The following PCDHA13 variants were observed in gnomAD, a reference collection of about 807,000 sequenced individuals.
PCDHA13 encodes protocadherin alpha 13, also known as protocadherin alpha-13.
PCDHA13 carries 54 observed loss-of-function variants against 64.8 expected under a neutral mutation model. That is an observed-to-expected ratio of 0.83 (90% CI 0.67 to 1.04). The LOEUF is 1.04. Among genes scored for constraint, PCDHA13 ranks in the 50% least tolerant of loss-of-function variants. The pLI is 0.00. For missense variants in PCDHA13, 1,248 were observed against 1,254.3 expected (o/e 0.99, Z 0.08); for synonymous variants, 587 against 564.4 (o/e 1.04, Z -0.57).
chr5:140,967,185 A>G, intron 1 of PCDHA13: 1 of 1,613,242 alleles, frequency 6.2e-7, no homozygotes, highest in Non-Finnish European at 8.5e-7. Context: ...GAAATATTGG[A>G]CATCAACGAC....
At chr5:140,928,739 G>A in intron 1 of PCDHA13, 1 of 1,614,148 alleles carries the variant, frequency 6.2e-7, no homozygotes, top group African/African-American at 1.3e-5. Flanking sequence ...GCCAATATAG[G>A]TGAGCTCCGT....
intron 1 of PCDHA13, among the ~76,000 whole-genome samples, chr5:140,893,506 A>G (rs2064024014): frequency 1.3e-5 from 2 of 152,170 alleles, no homozygotes; most frequent in African/African-American, 4.8e-5. Flanking sequence ...AGAAAAAAAA[A>G]GCAGTTGTAG....
intron 1 of PCDHA13, chr5:140,928,911 A>G: frequency 6.2e-7 from 1 of 1,614,184 alleles, no homozygotes; most frequent in Non-Finnish European, 8.5e-7. Flanking sequence ...TCTGGGAACC[A>G]GGAGGGCAGC....
chr5:140,884,737 T>C (rs1554181872), intron 1 of PCDHA13, 75 bp downstream of exon 1: 1 of 1,443,634 alleles, frequency 6.9e-7, no homozygotes, highest in Non-Finnish European at 9.1e-7. Context: ...AAGACATCTT[T>C]CCTGCCAATT....
chr5:140,999,144 G>A (rs2097848915), intron 3 of PCDHA13, among the ~76,000 whole-genome samples: 1 of 152,200 alleles, frequency 6.6e-6, no homozygotes, highest in Non-Finnish European at 1.5e-5. Context: ...ACAGCCGGAA[G>A]TCTTCAGTCC....
intron 1 of PCDHA13, among the ~76,000 whole-genome samples, chr5:140,895,004 T>C (rs535461448): frequency 6.6e-6 from 1 of 152,316 alleles, no homozygotes; most frequent in East Asian, 1.9e-4. Flanking sequence ...CCCTTTTTAC[T>C]TGGACCTTTT....
intron 2 of PCDHA13, among the ~76,000 whole-genome samples, chr5:140,981,613 G>C (rs1279038280): frequency 6.6e-6 from 1 of 152,056 alleles, no homozygotes; most frequent in Non-Finnish European, 1.5e-5. Flanking sequence ...CTCTAATTTT[G>C]ATGAGGGTTT....
chr5:140,982,071 G>A (rs1484711558), intron 2 of PCDHA13, among the ~76,000 whole-genome samples: 12 of 151,172 alleles, frequency 7.9e-5, no homozygotes, highest in Admixed American at 7.9e-4. Flanking sequence ...TTCTTCTTTA[G>A]AGTAGAGAAC....
At chr5:140,942,863 T>A (rs1223265899) in intron 1 of PCDHA13, among the ~76,000 whole-genome samples, 2 of 152,126 alleles carry the variant, frequency 1.3e-5, no homozygotes, top group Non-Finnish European at 2.9e-5. Context: ...TTATTTTGCT[T>A]TAGCATGACA....
At chr5:140,906,092 A>G (rs985090106) in intron 1 of PCDHA13, among the ~76,000 whole-genome samples, 2 of 152,140 alleles carry the variant, frequency 1.3e-5, no homozygotes, top group Non-Finnish European at 2.9e-5. Context: ...GACTGAGAGT[A>G]AGTGTGTCTT....
At position 141,012,226 on chromosome 5, in the gene PCDHA13, A is replaced by G. The variant is rs1021307000; in HGVS notation, c.*2289A>G. Reference sequence around the variant, plus strand: ...TTTTACATTTGCGAAGTGCTTTCCAATCCATGTTAGTTACTAGTTATTACA... The same window carrying G: ...TTTTACATTTGCGAAGTGCTTTCCAGTCCATGTTAGTTACTAGTTATTACA... On this transcript the variant is annotated 3_prime_UTR_variant, in exon 4 of 4. Transcript: ENST00000289272. The G allele has an allele frequency of 2.6e-5, 4 of 153,758 alleles. No individual in the cohort carries two copies. Among genetic ancestry groups the G allele is most frequent in the African/African-American group, 9.7e-5 (4 of 41,442 alleles). 9.5% of individuals were successfully genotyped at this position (153,758 alleles called of 1,614,324 possible). A position where few individuals can be genotyped will look rare whatever the true frequency, so the allele number is the denominator to read the frequency against.
At chr5:140,931,982 T>G (rs1486789443) in intron 1 of PCDHA13, among the ~76,000 whole-genome samples, 1 of 151,968 alleles carries the variant, frequency 6.6e-6, no homozygotes, top group Non-Finnish European at 1.5e-5. Context: ...GTTTATATTT[T>G]GCTCAAATTC....
chr5:140,938,765 AC>A (rs1309568560), intron 1 of PCDHA13, among the ~76,000 whole-genome samples: 1 of 152,182 alleles, frequency 6.6e-6, no homozygotes, highest in Non-Finnish European at 1.5e-5. Context: ...GTTATTGGGT[AC>A]TAGACTTAGT....
chr5:140,919,198 A>G (rs545072839), intron 1 of PCDHA13, among the ~76,000 whole-genome samples: 8 of 152,268 alleles, frequency 5.3e-5, no homozygotes, highest in Admixed American at 3.9e-4. Flanking sequence ...TCCTTTTGTC[A>G]TTATAAAATG....
intron 1 of PCDHA13, among the ~76,000 whole-genome samples, chr5:140,896,855 A>G (rs2065775013): frequency 6.6e-6 from 1 of 152,196 alleles, no homozygotes; most frequent in South Asian, 2.1e-4. Flanking sequence ...TTATGGGTAC[A>G]TAATAAGTGT....
intron 1 of PCDHA13, among the ~76,000 whole-genome samples, chr5:140,886,515 G>A (rs1554182564): frequency 3.9e-5 from 6 of 151,972 alleles, no homozygotes; most frequent in Non-Finnish European, 8.8e-5. Flanking sequence ...TGGATTTTAA[G>A]GTCTGCATAT....
At chr5:140,885,809 T>G (rs1208963596) in intron 1 of PCDHA13, among the ~76,000 whole-genome samples, 1 of 152,320 alleles carries the variant, frequency 6.6e-6, no homozygotes, top group African/African-American at 2.4e-5. Flanking sequence ...ATTTTGTTGA[T>G]TTGTATTTGA....
intron 1 of PCDHA13, among the ~76,000 whole-genome samples, chr5:140,944,291 G>T (rs155813): frequency 6.6e-6 from 1 of 151,928 alleles, no homozygotes; most frequent in African/African-American, 2.4e-5. Flanking sequence ...GGGCTCAAGC[G>T]ATCCTCCTAC....
In PCDHA13 at chr5:140,893,407, C is replaced by T. The variant is rs782798159; in HGVS notation, c.2394+8745C>T. Among the ~76,000 whole-genome samples, 300 of 152,168 alleles carry T rather than the reference C, an allele frequency of 2.0e-3. 2 individuals are homozygous for T. The highest frequency in any genetic ancestry group is 3.7e-3 in the Non-Finnish European group (250 of 67,998). The stretch of plus-strand genomic sequence containing the variant: ...GTGGCTCATGCCTGTAATCCCAGCA[C>T]TTAGGGAGGCAGAGGCAGGAAGATC... On this transcript the variant is annotated intron_variant, in intron 1 of 3. Transcript: ENST00000289272.
Sources: gnomAD v4.1 joint callset for allele counts (sites outside exome capture counted in the v4.1 genomes callset) on GRCh38, gnomAD v4.1.1 for gene constraint, MANE v1.5 for transcripts, NCBI Gene and HGNC (gene_info 2026-07-23, HGNC 2026-07-21) for gene names.